The following SMIM36 variants were observed in gnomAD, a reference collection of about 807,000 sequenced individuals.
SMIM36 encodes small integral membrane protein 36.
At chr17:55,518,960 G>A in the SMIM36 span, among the ~76,000 whole-genome samples, 1 of 151,358 alleles carries the variant, frequency 6.6e-6, no homozygotes, top group East Asian at 1.9e-4. Flanking sequence ...CTTTGGTGGT[G>A]AGAATATGAG....
chr17:55,487,735 C>A (rs1225373633), intron 1 of SMIM36, among the ~76,000 whole-genome samples: 2 of 152,170 alleles, frequency 1.3e-5, no homozygotes, highest in African/African-American at 4.8e-5. Context: ...CAGTATCACC[C>A]TTGGGGAGCC....
intron 4 of SMIM36, among the ~76,000 whole-genome samples, chr17:55,452,615 A>C (rs1908940786): frequency 6.6e-6 from 1 of 152,212 alleles, no homozygotes; most frequent in African/African-American, 2.4e-5. Flanking sequence ...TGCTGCCTCC[A>C]CGTGCTCTGC....
At chr17:55,458,568 C>A (rs1015357896) in intron 4 of SMIM36, 1 of 136,304 alleles carries the variant, frequency 7.3e-6, no homozygotes. Flanking sequence ...TTCTCCACCC[C>A]CACCCCCCGC....
chr17:55,451,946 G>T (rs1908926077), intron 4 of SMIM36, among the ~76,000 whole-genome samples: 1 of 151,680 alleles, frequency 6.6e-6, no homozygotes, highest in African/African-American at 2.4e-5. Flanking sequence ...AAAATAAAAA[G>T]ATTTTAAAAA....
chr17:55,494,201 G>A (rs2144711197), intron 1 of SMIM36, among the ~76,000 whole-genome samples: 1 of 152,204 alleles, frequency 6.6e-6, no homozygotes, highest in South Asian at 2.1e-4. Flanking sequence ...GGTGCTGCGG[G>A]GAGGTGAAAT....
At chr17:55,493,611 G>A (rs1437522231) in intron 1 of SMIM36, among the ~76,000 whole-genome samples, 2 of 151,940 alleles carry the variant, frequency 1.3e-5, no homozygotes, top group East Asian at 2.0e-4. Context: ...GGAGTTTGAC[G>A]CCAGCCTGGG....
At chr17:55,518,019 A>G in the SMIM36 span, among the ~76,000 whole-genome samples, 109,792 of 152,142 alleles carry the variant, frequency 0.72, 41,033 homozygotes, top group African/African-American at 0.92. Flanking sequence ...TAGTGTCATG[A>G]AAATCCAGGG....
chr17:55,531,984 C>T, the SMIM36 span, among the ~76,000 whole-genome samples: 3 of 152,016 alleles, frequency 2.0e-5, no homozygotes, highest in Admixed American at 2.0e-4. Context: ...GTGGGTGACC[C>T]CAAGTACCCT....
At chr17:55,527,686 GGAGA>G in the SMIM36 span, 25 of 152,080 alleles carry the variant, frequency 1.6e-4, no homozygotes, top group Non-Finnish European at 3.2e-4. Context: ...TTTCCTTCTT[GGAGA>G]GAAACACTGC....
intron 3 of SMIM36, among the ~76,000 whole-genome samples, chr17:55,477,851 C>CT (rs34470317): frequency 0.01 from 1,496 of 144,738 alleles, 23 homozygotes; most frequent in African/African-American, 0.032. Flanking sequence ...GAACCTATTA[C>CT]TTTTTTTTTT....
At chr17:55,487,947 C>A (rs1329129365) in intron 1 of SMIM36, among the ~76,000 whole-genome samples, 1 of 152,202 alleles carries the variant, frequency 6.6e-6, no homozygotes, top group Non-Finnish European at 1.5e-5. Context: ...AACAAGGCTG[C>A]TAGCTGAGTC....
intron 3 of SMIM36, among the ~76,000 whole-genome samples, chr17:55,476,578 T>C (rs900948414): frequency 1.3e-5 from 2 of 151,938 alleles, no homozygotes; most frequent in Non-Finnish European, 2.9e-5. Context: ...TTTTTTTTTT[T>C]TGTTTGTTTA....
At chr17:55,529,937 C>A in the SMIM36 span, among the ~76,000 whole-genome samples, 1 of 152,360 alleles carries the variant, frequency 6.6e-6, no homozygotes, top group South Asian at 2.1e-4. Flanking sequence ...GCATCCTCAG[C>A]CATCTTGCTG....
At chr17:55,519,769 C>T in the SMIM36 span, among the ~76,000 whole-genome samples, 1 of 152,142 alleles carries the variant, frequency 6.6e-6, no homozygotes, top group Non-Finnish European at 1.5e-5. Context: ...AGTCTGACAA[C>T]ATGTCCTTCA....
At chr17:55,492,567 T>C (rs1909732276) in intron 1 of SMIM36, among the ~76,000 whole-genome samples, 1 of 151,636 alleles carries the variant, frequency 6.6e-6, no homozygotes, top group East Asian at 1.9e-4. Context: ...TTCCCCTTGA[T>C]ATTTCAATCA....
At chr17:55,519,650 G>A in the SMIM36 span, among the ~76,000 whole-genome samples, 5 of 145,610 alleles carry the variant, frequency 3.4e-5, no homozygotes, top group South Asian at 9.2e-4. Context: ...AAGGACAAAA[G>A]TGTAAGAGGG....
chr17:55,529,189 C>G, the SMIM36 span, among the ~76,000 whole-genome samples: 1 of 152,194 alleles, frequency 6.6e-6, no homozygotes. Context: ...CAGGTTTCCT[C>G]TTGCTGCAGT....
chr17:55,477,107 A>T (rs560547232), intron 3 of SMIM36: 4 of 152,254 alleles, frequency 2.6e-5, no homozygotes, highest in African/African-American at 9.6e-5. Context: ...TTGAGCCCAG[A>T]GGGTTGAGGC....
At chr17:55,502,017 G>A (rs1405930151) in intron 1 of SMIM36, among the ~76,000 whole-genome samples, 30 of 151,592 alleles carry the variant, frequency 2.0e-4, no homozygotes, top group African/African-American at 4.8e-4. Flanking sequence ...TTTTCAGACC[G>A]GCTTAAAAAA....
Sources: gnomAD v4.1 joint callset for allele counts (sites outside exome capture counted in the v4.1 genomes callset) on GRCh38, gnomAD v4.1.1 for gene constraint, MANE v1.5 for transcripts, NCBI Gene and HGNC (gene_info 2026-07-23, HGNC 2026-07-21) for gene names.